Variants in KCNIP1 observed in about 807,000 individuals in gnomAD.
KCNIP1 encodes the protein A-type potassium channel modulatory protein KCNIP1.
Under a neutral mutation model 33.0 loss-of-function variants are expected in KCNIP1, and 18 were observed. That is an observed-to-expected ratio of 0.55 (90% CI 0.38 to 0.81). KCNIP1 has a LOEUF of 0.81. Ranked by LOEUF, KCNIP1 falls within the 30% of genes least tolerant of loss-of-function variation. KCNIP1 has a pLI of 0.00. For synonymous variants in KCNIP1, 93 were observed against 98.3 expected (o/e 0.95, Z 0.32); for missense variants, 238 against 271.6 (o/e 0.88, Z 0.87).
At chr5:170,621,209 A>C (rs1214264567) in intron 1 of KCNIP1, among the ~76,000 whole-genome samples, 1 of 152,228 alleles carries the variant, frequency 6.6e-6, no homozygotes, top group Non-Finnish European at 1.5e-5. Flanking sequence ...GGAGATTCCA[A>C]GACATTAGGC....
chr5:170,356,273 A>C (rs1763345809), intron 1 of KCNIP1, among the ~76,000 whole-genome samples: 1 of 152,148 alleles, frequency 6.6e-6, no homozygotes, highest in African/African-American at 2.4e-5. Context: ...CCCTCAGGAG[A>C]GGGATTTTTC....
intron 1 of KCNIP1, among the ~76,000 whole-genome samples, chr5:170,384,513 A>G (rs1405649305): frequency 6.6e-6 from 1 of 152,226 alleles, no homozygotes. Flanking sequence ...AGGCTGCAGC[A>G]GGCCCGGGAG....
chr5:170,725,104 A>G (rs1467561680), intron 5 of KCNIP1, among the ~76,000 whole-genome samples: 3 of 152,232 alleles, frequency 2.0e-5, no homozygotes, highest in Non-Finnish European at 4.4e-5. Flanking sequence ...ATATAGATCA[A>G]TGGATCAAAA....
chr5:170,383,202 C>G (rs1764321150), intron 1 of KCNIP1: 1 of 259,162 alleles, frequency 3.9e-6, no homozygotes, highest in Non-Finnish European at 7.4e-6. Flanking sequence ...GTTACTCCAG[C>G]CCTGAGTCCC....
At chr5:170,615,394 G>A (rs1039721784) in intron 1 of KCNIP1, among the ~76,000 whole-genome samples, 3 of 152,174 alleles carry the variant, frequency 2.0e-5, no homozygotes, top group Admixed American at 1.3e-4. Flanking sequence ...CACACGGAAC[G>A]CAGACTGACA....
intron 1 of KCNIP1, among the ~76,000 whole-genome samples, chr5:170,552,895 C>A (rs1052233234): frequency 6.6e-6 from 1 of 152,198 alleles, no homozygotes; most frequent in Admixed American, 6.5e-5. Context: ...ATGAGTGGGG[C>A]CCAGAGCTTA....
chr5:170,438,209 T>C (rs1342965589), intron 1 of KCNIP1, among the ~76,000 whole-genome samples: 1 of 152,196 alleles, frequency 6.6e-6, no homozygotes, highest in Non-Finnish European at 1.5e-5. Context: ...ACACAGGCTG[T>C]GCCACCCCTT....
intron 1 of KCNIP1, among the ~76,000 whole-genome samples, chr5:170,556,882 T>C (rs528467897): frequency 6.6e-6 from 1 of 152,376 alleles, no homozygotes; most frequent in East Asian, 1.9e-4. Context: ...TGCTGGTCTG[T>C]AGCCTGGATT....
intron 1 of KCNIP1, among the ~76,000 whole-genome samples, chr5:170,373,355 A>G (rs1270348756): frequency 6.6e-6 from 1 of 152,138 alleles, no homozygotes; most frequent in Non-Finnish European, 1.5e-5. Context: ...ACGGTGTGGG[A>G]GGGGCCTGGA....
intron 1 of KCNIP1, among the ~76,000 whole-genome samples, chr5:170,637,932 T>A (rs1581429660): frequency 6.7e-6 from 1 of 149,512 alleles, no homozygotes; most frequent in East Asian, 2.0e-4. Context: ...GAATGTCAGA[T>A]AAAGTGGTGT....
intron 1 of KCNIP1, among the ~76,000 whole-genome samples, chr5:170,640,999 C>T (rs973165171): frequency 5.3e-5 from 8 of 152,258 alleles, no homozygotes; most frequent in African/African-American, 1.7e-4. Flanking sequence ...AAAAATCCAA[C>T]GAATCACAAA....
chr5:170,492,224 A>G (rs772962739), intron 1 of KCNIP1, among the ~76,000 whole-genome samples: 3 of 152,224 alleles, frequency 2.0e-5, no homozygotes, highest in Non-Finnish European at 4.4e-5. Flanking sequence ...CTCCTTCCTC[A>G]GGTCTAATAA....
chr5:170,534,678 C>T (rs1435409545), intron 1 of KCNIP1, among the ~76,000 whole-genome samples: 1 of 151,778 alleles, frequency 6.6e-6, no homozygotes, highest in Non-Finnish European at 1.5e-5. Flanking sequence ...ACCACCATGC[C>T]CAGCTAATTT....
At chr5:170,475,596 G>A (rs1756839245) in intron 1 of KCNIP1, among the ~76,000 whole-genome samples, 1 of 152,196 alleles carries the variant, frequency 6.6e-6, no homozygotes, top group Non-Finnish European at 1.5e-5. Context: ...AACAAAAGGA[G>A]AAGTCACAAA....
intron 1 of KCNIP1, among the ~76,000 whole-genome samples, chr5:170,361,210 AC>A (rs1390723418): frequency 2.0e-5 from 3 of 151,994 alleles, no homozygotes; most frequent in Admixed American, 6.6e-5. Flanking sequence ...AGGAGGAGGG[AC>A]CCCACTGAAA....
chr5:170,681,342 GC>G, intron 1 of KCNIP1: 1 of 382,844 alleles, frequency 2.6e-6, no homozygotes, highest in Non-Finnish European at 4.6e-6. Context: ...CCCCAGTCGC[GC>G]CCCAGTGCTG....
At chr5:170,664,741 A>G (rs1423674586) in intron 1 of KCNIP1, among the ~76,000 whole-genome samples, 1 of 152,206 alleles carries the variant, frequency 6.6e-6, no homozygotes, top group Non-Finnish European at 1.5e-5. Context: ...CAAAAAGACA[A>G]ACAAACAGTT....
In KCNIP1 at chr5:170,504,197, C is replaced by G; in HGVS notation, c.-376C>G. On this transcript the variant is annotated 5_prime_UTR_variant, in exon 1 of 8. Coordinates refer to ENST00000328939, the MANE Select transcript of KCNIP1 (RefSeq NM_014592.4). The surrounding 1 kb of genome is among the most constrained non-coding windows in gnomAD (Gnocchi z 6.0). ...AGGAGGGGCGGGCGGACGGCGGCTC[C>G]CGCACCGCACGCGGCGCTGGCTCGG... 5.8e-6 allele frequency: 6 copies of G among 1,033,866 alleles called. No individual in the cohort carries two copies. Among genetic ancestry groups the G allele is most frequent in the Non-Finnish European group, 7.0e-6 (6 of 862,600 alleles). The allele number at this position is 1,033,866 out of a possible 1,614,324, so 64.0% of individuals were successfully genotyped here.
chr5:170,592,625 A>G (rs938603640), intron 1 of KCNIP1, among the ~76,000 whole-genome samples: 1 of 152,236 alleles, frequency 6.6e-6, no homozygotes, highest in South Asian at 2.1e-4. Flanking sequence ...AGTGGCAGCC[A>G]TGGATCAGAA....
Sources: gnomAD v4.1 joint callset for allele counts (sites outside exome capture counted in the v4.1 genomes callset) on GRCh38, gnomAD v4.1.1 for gene constraint, Gnocchi (gnomAD v3.1) non-coding constraint, MANE v1.5 for transcripts, NCBI Gene and HGNC (gene_info 2026-07-23, HGNC 2026-07-21) for gene names.